The following SLC34A3 variants were observed in gnomAD, a reference collection of about 807,000 sequenced individuals.
SLC34A3 encodes the protein sodium-dependent phosphate transport protein 2C.
In SLC34A3, 60 loss-of-function variants were observed where a neutral mutation model predicts 43.9. The ratio of observed to expected loss-of-function variants is 1.37; its 90% CI spans 1.11 to 1.70. The LOEUF (loss-of-function observed/expected upper bound fraction) is 1.70, where lower values mean the gene tolerates loss of function less well. Ranked by LOEUF, SLC34A3 falls within the 40% of genes most tolerant of loss-of-function variation. The probability of loss-of-function intolerance (pLI) is 0.00; values close to 1 mark genes in which losing one functional copy is unlikely to be tolerated. For missense variants in SLC34A3, 969 were observed against 823.8 expected, an observed-to-expected ratio of 1.18 and a Z score of -2.16; for synonymous variants, 451 against 386.2, an observed-to-expected ratio of 1.17 and a Z score of -1.97.
chr9:137,231,785 A>T lies in SLC34A3; in HGVS notation c.83A>T (p.Glu28Val). The T allele has an allele frequency of 1.2e-6, 2 of 1,612,942 alleles. No individual in the cohort carries two copies. Among genetic ancestry groups the T allele is most frequent in the South Asian group, 2.2e-5 (2 of 91,076 alleles). The change falls in exon 2 of 13, where the codon GAA (glutamate) becomes GTA (valine). Residue 28 changes from glutamate to valine, a missense_variant and splice_region_variant. Physicochemically the swap from Glu to Val is moderately radical, Grantham distance 121. Transcript: ENST00000673835. Reference sequence around the variant, plus strand: ...CTAGTGGAAAAGACTCTGAGGAATGAAGGTACCAGTGGCCCCTGTGCCCCA... The same window carrying T: ...CTAGTGGAAAAGACTCTGAGGAATGTAGGTACCAGTGGCCCCTGTGCCCCA... ...VDLVEKTLRN[E>V]GTSSSAPVLE...
At chr9:137,229,831 T>C (rs941136569), upstream of SLC34A3, among the ~76,000 whole-genome samples, 1 of 152,090 alleles carries the variant, frequency 6.6e-6, no homozygotes, top group Admixed American at 6.5e-5. Flanking sequence ...ACAGACCCTT[T>C]TGAGGGGCCG....
intron 8 of SLC34A3, 57 bp downstream of exon 8, chr9:137,233,779 T>TTGGCCCCCCCCCCCC: frequency 5.5e-6 from 8 of 1,445,728 alleles, no homozygotes; most frequent in East Asian, 4.7e-5. Context: ...TGCTGAGTCA[T>TTGGCCCCCCCCCCCC]CCCGCCCCAC....
Position 137,236,451 on chromosome 9 carries a change from C to T in SLC34A3, c.*35C>T, listed in dbSNP as rs764572058. The T allele has an allele frequency of 3.9e-5, 59 of 1,514,250 alleles. No homozygotes were observed. Among genetic ancestry groups the T allele is most frequent in the Admixed American group, 7.9e-5 (4 of 50,928 alleles). 93.8% of individuals were successfully genotyped at this position (1,514,250 alleles called of 1,614,324 possible). ...GCTGAGCAGACCGCCCCACCCTCCCCGGCTGGGAGGGCTCTGGAGGGCCCT... is the reference window on the plus strand; with the variant it reads ...GCTGAGCAGACCGCCCCACCCTCCCTGGCTGGGAGGGCTCTGGAGGGCCCT... On this transcript the variant is annotated 3_prime_UTR_variant, in exon 13 of 13. Coordinates refer to ENST00000673835, the MANE Select transcript of SLC34A3 (RefSeq NM_001177316.2).
In SLC34A3 at chr9:137,233,016, G is replaced by A. The variant is rs748257761; in HGVS notation, c.461G>A (p.Arg154Gln). The A allele has an allele frequency of 3.2e-5, 51 of 1,611,620 alleles. No homozygotes were observed. The East Asian group carries it at 4.2e-4, about 13-fold the overall frequency. The change falls in exon 6 of 13, where the codon CGG becomes CAG. Residue 154 changes from arginine (R) to glutamine (Q), a missense_variant. Arg to Gln is a conservative substitution (Grantham distance 43). Transcript: ENST00000673835. The stretch of plus-strand genomic sequence containing the variant: ...CCCCCACCAGCAGTGCTGACTGTCC[G>A]GGTGTCTGTGCCCATCATCATGGGT... ...SMVAAKLLTV[R>Q]VSVPIIMGVN...
Position 137,234,441 on chromosome 9 carries a change from C to T in SLC34A3, c.1119C>T (p.Leu373=), listed in dbSNP as rs775620578. ...NADFPFPLGW[L]GGYLAVLAGA... is the part of the protein sequence containing the mutation. Reference sequence around the variant, plus strand: ...ACTTCCCCTTCCCGCTGGGCTGGCTCGGCGGCTACCTGGCCGTCCTCGCGG... The same window carrying T: ...ACTTCCCCTTCCCGCTGGGCTGGCTTGGCGGCTACCTGGCCGTCCTCGCGG... Residue 373 remains leucine (L), a synonymous_variant, in exon 11 of 13, where the codon CTC becomes CTT. Transcript: ENST00000673835. This position sits in a 1 kb window ranked among gnomAD's most constrained non-coding sequence, Gnocchi z 6.9. 1.0e-5 allele frequency: 16 copies of T among 1,598,384 alleles called. No homozygotes were observed. The highest frequency in any genetic ancestry group is 4.5e-5 in the East Asian group (2 of 44,838).
Position 137,236,052 on chromosome 9 carries a change from T to C in SLC34A3, c.1436T>C (p.Val479Ala). 6.2e-7 allele frequency: 1 copy of C among 1,612,530 alleles called. No homozygotes were observed. The highest frequency in any genetic ancestry group is 8.5e-7 in the Non-Finnish European group (1 of 1,179,858). Residue 479 changes from valine (V) to alanine (A), a missense_variant, in exon 13 of 13, where the codon GTG (valine) becomes GCG (alanine). Physicochemically the swap from Val to Ala is moderately conservative, Grantham distance 64. Transcript: ENST00000673835. ...LPIPLARHFG[V>A]VTARYRWVAG... ...ATCCCGCTGGCCAGGCACTTCGGGG[T>C]GGTGACCGCCCGTTACCGCTGGGTG... is the stretch of plus-strand genomic sequence containing the variant.
At position 137,234,956 on chromosome 9, in the gene SLC34A3, T is replaced by G. The variant is rs1836500748; in HGVS notation, c.1335+225T>G. ...GTCTCCTCCCTTGAGACCTCCTCAC[T>G]TCCACATTTTCTCAGCTCTTTGCTG... On this transcript the variant is annotated intron_variant, in intron 12 of 12. Transcript: ENST00000673835. The surrounding 1 kb of genome is among the most constrained non-coding windows in gnomAD (Gnocchi z 6.9). Among the ~76,000 whole-genome samples, 3 of 152,208 alleles carry G rather than the reference T, an allele frequency of 2.0e-5. No homozygotes were observed. The highest frequency in any genetic ancestry group is 7.2e-5 in the African/African-American group (3 of 41,532).
At position 137,232,651 on chromosome 9, in the gene SLC34A3, C is replaced by T; in HGVS notation, c.252C>T (p.Tyr84=). Residue 84 remains tyrosine (Y), a synonymous_variant, in exon 4 of 13, where the codon TAC becomes TAT. Transcript: ENST00000673835. ...CCTGCGGGCTCCTCGGCAGCCTGTA[C>T]TTCTTCATCTGCTCTCTGGACGTCC... ...LKACGLLGSL[Y]FFICSLDVLS... 3 of 1,612,776 alleles carry T rather than the reference C, an allele frequency of 1.9e-6. No individual in the cohort carries two copies. The highest frequency in any genetic ancestry group is 1.3e-5 in the African/African-American group (1 of 75,062).
intron 1 of SLC34A3, 80 bp from the exon 2 acceptor site, chr9:137,231,584 C>G: frequency 1.1e-6 from 1 of 903,486 alleles, no homozygotes; most frequent in Non-Finnish European, 1.8e-6. Context: ...ATTCAGGGGA[C>G]CCAGGGGTGT....
At chr9:137,233,779 T>TTGGCCCCCCCCCCCCCCCCCCCCCCCCC in intron 8 of SLC34A3, 57 bp downstream of exon 8, 1 of 1,445,802 alleles carries the variant, frequency 6.9e-7, no homozygotes, top group Non-Finnish European at 9.6e-7. Flanking sequence ...TGCTGAGTCA[T>TTGGCCCCCCCCCCCCCCCCCCCCCCCCC]CCCGCCCCAC....
rs762986714 is a variant in SLC34A3 at position 137,234,486 on chromosome 9, A to G, written c.1164A>G (p.Ala388=). The change falls in exon 11 of 13, where the codon GCA becomes GCG. Residue 388 remains alanine (A), a synonymous_variant. Transcript: ENST00000673835. This position sits in a 1 kb window ranked among gnomAD's most constrained non-coding sequence, Gnocchi z 6.9. ...TCGCGGGCGCCGGCCTGACCTTCGC[A>G]CTGCAGAGCAGCAGCGTCTTCACGG... ...AVLAGAGLTF[A]LQSSSVFTAA... The G allele has an allele frequency of 3.2e-5, 52 of 1,602,718 alleles. No homozygotes were observed. The Middle Eastern group carries it at 1.3e-3, about 41-fold the overall frequency.
chr9:137,236,466 T>A lies in SLC34A3; in HGVS notation c.*50T>A, dbSNP rs1362579492. The A allele has an allele frequency of 6.9e-7, 1 of 1,441,656 alleles. No individual in the cohort carries two copies. Among genetic ancestry groups the A allele is most frequent in the African/African-American group, 1.4e-5 (1 of 70,756 alleles). The allele number at this position is 1,441,656 out of a possible 1,614,324, so 89.3% of individuals were successfully genotyped here. ...CCACCCTCCCCGGCTGGGAGGGCTC[T>A]GGAGGGCCCTGGAGGGGGGGTCCCC... is the stretch of plus-strand genomic sequence containing the variant. On this transcript the variant is annotated 3_prime_UTR_variant, in exon 13 of 13. Coordinates refer to ENST00000673835, the MANE Select transcript of SLC34A3 (RefSeq NM_001177316.2).
Position 137,233,902 on chromosome 9 carries a change from A to C in SLC34A3, c.886A>C (p.Thr296Pro). The part of the protein sequence containing the change: ...NSSCGAFGPC[T>P]EKNSTAPADR... ...CAGCTGTGGCGCCTTCGGCCCGTGC[A>C]CAGAGAAGAACAGCACAGCCCCGGC... is the stretch of plus-strand genomic sequence containing the variant. Residue 296 changes from threonine to proline, a missense_variant, in exon 9 of 13, where the codon ACA becomes CCA. By Grantham distance (38) the Thr-to-Pro change is conservative. Coordinates refer to ENST00000673835, the MANE Select transcript of SLC34A3 (RefSeq NM_001177316.2). 1.2e-6 allele frequency: 2 copies of C among 1,606,406 alleles called. No individual in the cohort carries two copies. Among genetic ancestry groups the C allele is most frequent in the Non-Finnish European group, 1.7e-6 (2 of 1,177,984 alleles).
chr9:137,233,017 GGT>G lies in SLC34A3; in HGVS notation c.465_466del (p.Ser156CysfsTer28). The G allele has an allele frequency of 1.2e-6, 2 of 1,611,828 alleles. No individual in the cohort carries two copies. The highest frequency in any genetic ancestry group is 1.7e-6 in the Non-Finnish European group (2 of 1,179,780). On this transcript the variant is annotated frameshift_variant, in exon 6 of 13. Transcript: ENST00000673835. LOFTEE classifies it high-confidence loss of function. ...CCCCACCAGCAGTGCTGACTGTCCG[GGT>G]GTCTGTGCCCATCATCATGGGTGTC... ...MVAAKLLTVR[V>X]SVPIIMGVNV...
rs761869309 is a variant in SLC34A3, at chr9:137,233,053, C to A, written c.498C>A (p.Gly166=). Residue 166 remains glycine, a synonymous_variant, in exon 6 of 13, where the codon GGC becomes GGA. Transcript: ENST00000673835. ...SVPIIMGVNV[G]TSITSTLVSM... ...CCATCATCATGGGTGTCAACGTAGGCACATCCATCACCAGCACCCTGGTCT... is the reference window on the plus strand; with the variant it reads ...CCATCATCATGGGTGTCAACGTAGGAACATCCATCACCAGCACCCTGGTCT... 1.2e-6 allele frequency: 2 copies of A among 1,611,758 alleles called. No homozygotes were observed. Among genetic ancestry groups the A allele is most frequent in the African/African-American group, 2.7e-5 (2 of 74,852 alleles).
rs1247258167 is a variant in SLC34A3 at position 137,234,526 on chromosome 9, C to T, written c.1204C>T (p.Leu402Phe). 7 of 1,607,112 alleles carry T rather than the reference C, an allele frequency of 4.4e-6. No homozygotes were observed. Among genetic ancestry groups the T allele is most frequent in the Non-Finnish European group, 5.9e-6 (7 of 1,178,060 alleles). ...CGTCTTCACGGCGGCCGTCGTGCCCCTCATGGGTGAGCAGGCAGGACAGAG... is the reference window on the plus strand; with the variant it reads ...CGTCTTCACGGCGGCCGTCGTGCCCTTCATGGGTGAGCAGGCAGGACAGAG... Reference protein sequence around the residue: ...SSVFTAAVVPLMGVGVISLDR... With the variant: ...SSVFTAAVVPFMGVGVISLDR... Residue 402 changes from leucine to phenylalanine, a missense_variant, in exon 11 of 13, where the codon CTC becomes TTC. Transcript: ENST00000673835. The surrounding 1 kb of genome is among the most constrained non-coding windows in gnomAD (Gnocchi z 6.9).
intron 12 of SLC34A3, among the ~76,000 whole-genome samples, chr9:137,235,367 C>T (rs2131421435): frequency 6.6e-6 from 1 of 152,326 alleles, no homozygotes; most frequent in African/African-American, 2.4e-5. Context: ...CCGCCGCTGA[C>T]AGGAAGAGAC....
In SLC34A3 at chr9:137,233,330, A is replaced by G. The variant is rs766506036; in HGVS notation, c.682A>G (p.Ser228Gly). 1.6e-5 allele frequency: 26 copies of G among 1,603,918 alleles called. 1 individual carries two copies. In the Middle Eastern group the frequency reaches 9.9e-4, roughly 61 times the overall value. ...RLSELALGAA[S>G]LTPRAQAPDI... ...AAGTGAGCTAGCCCTGGGTGCCGCC[A>G]GCCTGACACCCAGGGCGCAGGCGCC... Residue 228 changes from serine (S) to glycine (G), a missense_variant, in exon 7 of 13, where the codon AGC becomes GGC. Ser to Gly is a moderately conservative substitution (Grantham distance 56). Transcript: ENST00000673835.
chr9:137,231,693 C>A lies in SLC34A3; in HGVS notation c.-10C>A, dbSNP rs1385364804. 1 of 1,612,516 alleles carries A rather than the reference C, an allele frequency of 6.2e-7. No individual in the cohort carries two copies. Among genetic ancestry groups the A allele is most frequent in the South Asian group, 1.1e-5 (1 of 91,074 alleles). On this transcript the variant is annotated 5_prime_UTR_variant, in exon 2 of 13. Transcript: ENST00000673835. ...AGACCTGGGCCTGGGTCTGTCCCTG[C>A]CCGAAATCCATGCCGAGTTCCCTTC...
Sources: allele counts gnomAD v4.1 joint callset (sites outside exome capture counted in the v4.1 genomes callset), GRCh38; gene constraint gnomAD v4.1.1; non-coding constraint Gnocchi (gnomAD v3.1); transcripts MANE v1.5; gene names NCBI Gene and HGNC (gene_info 2026-07-23, HGNC 2026-07-21).